Variants in KCND3 observed in about 807,000 individuals in gnomAD.
KCND3 encodes the protein potassium voltage-gated channel subfamily D member 3, also known as A-type voltage-gated potassium channel KCND3.
In KCND3, 9 loss-of-function variants were observed where a neutral mutation model predicts 51.1. That is an observed-to-expected ratio of 0.18 (90% confidence interval 0.11 to 0.31). The LOEUF is 0.31. Among genes scored for constraint, KCND3 ranks in the 10% least tolerant of loss-of-function variants. KCND3 has a pLI of 1.00. For synonymous variants in KCND3, 349 were observed against 368.0 expected (o/e 0.95, Z 0.59); for missense variants, 526 against 903.8 (o/e 0.58, Z 5.36).
rs1254155611 is a variant in KCND3, at chr1:111,780,313, C to T, written c.1373G>A (p.Gly458Asp). Residue 458 changes from glycine to aspartate, a missense_variant and splice_region_variant, in exon 5 of 8, where the codon GGC becomes GAC. Gly to Asp is a moderately conservative substitution (Grantham distance 94). Transcript: ENST00000302127. The surrounding 1 kb of genome is among the most constrained non-coding windows in gnomAD (Gnocchi z 4.2). ...GCCCATGTGCTCCTCTTCTGGGGTG[C>T]CCTAGTAAAAAAAGAAGAGAGATTG... The part of the protein sequence containing the change: ...GLLNEALELT[G>D]TPEEEHMGKT... The T allele has an allele frequency of 1.3e-6, 2 of 1,563,002 alleles. No homozygotes were observed. Among genetic ancestry groups the T allele is most frequent in the East Asian group, 2.4e-5 (1 of 42,548 alleles).
At chr1:111,796,162 C>A (rs1413907659) in intron 2 of KCND3, among the ~76,000 whole-genome samples, 2 of 152,162 alleles carry the variant, frequency 1.3e-5, no homozygotes, top group Non-Finnish European at 2.9e-5. Context: ...TCGGCAGTTT[C>A]TTTTGCTGTG....
At chr1:111,938,925 C>T (rs1226625534) in intron 2 of KCND3, among the ~76,000 whole-genome samples, 21 of 152,196 alleles carry the variant, frequency 1.4e-4, no homozygotes, top group Admixed American at 1.4e-3. Context: ...AAACAGGGAA[C>T]CCCTGCAGCT....
chr1:111,852,355 C>T (rs766396205), intron 2 of KCND3, among the ~76,000 whole-genome samples: 8 of 152,220 alleles, frequency 5.3e-5, no homozygotes, highest in Non-Finnish European at 7.3e-5. Flanking sequence ...GCCTGCTCAG[C>T]AACATGCCTA....
rs776127157 is a variant in KCND3 at position 111,780,822 on chromosome 1, G to A, written c.1270-31C>T. The A allele has an allele frequency of 1.9e-6, 3 of 1,562,352 alleles. No homozygotes were observed. Among genetic ancestry groups the A allele is most frequent in the Non-Finnish European group, 2.6e-6 (3 of 1,140,522 alleles). ...ATTGGCAGAGATAATAAAAGAATGAGGCAGACCATGATACAAAAAGACAGC... is the reference window on the plus strand; with the variant it reads ...ATTGGCAGAGATAATAAAAGAATGAAGCAGACCATGATACAAAAAGACAGC... On this transcript the variant is annotated intron_variant, in intron 3 of 7. Transcript: ENST00000302127. The surrounding 1 kb of genome is among the most constrained non-coding windows in gnomAD (Gnocchi z 4.2).
At position 111,913,921 on chromosome 1, in the gene KCND3, A is replaced by G. The variant is rs112652687; in HGVS notation, c.1106+67700T>C. 2.8e-3 allele frequency among the ~76,000 whole-genome samples: 420 copies of G among 152,292 alleles called. 1 individual carries two copies. Among genetic ancestry groups the G allele is most frequent in the African/African-American group, 9.2e-3 (384 of 41,556 alleles). On this transcript the variant is annotated intron_variant, in intron 2 of 7. Transcript: ENST00000302127. ...AAAACAAAAAACAAGAAACAAAAACAAACCCCACAAGTTATGCAAAAAAGA... is the reference window on the plus strand; with the variant it reads ...AAAACAAAAAACAAGAAACAAAAACGAACCCCACAAGTTATGCAAAAAAGA...
chr1:111,898,724 A>T (rs1670243913), intron 2 of KCND3, among the ~76,000 whole-genome samples: 1 of 152,146 alleles, frequency 6.6e-6, no homozygotes, highest in African/African-American at 2.4e-5. Context: ...CGAAACGGAG[A>T]CAGAAAGAGG....
chr1:111,781,487 A>G (rs553746522), intron 3 of KCND3, among the ~76,000 whole-genome samples: 1 of 152,276 alleles, frequency 6.6e-6, no homozygotes, highest in South Asian at 2.1e-4. Context: ...TTACAATTGT[A>G]TATCTGTCTT....
chr1:111,808,519 T>C (rs1220178580), intron 2 of KCND3, among the ~76,000 whole-genome samples: 1 of 152,248 alleles, frequency 6.6e-6, no homozygotes, highest in East Asian at 1.9e-4. Context: ...AAGGAGTTAG[T>C]TGAATTCCAA....
rs1394956736 is a variant in KCND3, at chr1:111,780,436, A to G, written c.1372-122T>C. 1.9e-6 allele frequency: 2 copies of G among 1,029,228 alleles called. No homozygotes were observed. Among genetic ancestry groups the G allele is most frequent in the Non-Finnish European group, 1.5e-6 (1 of 674,828 alleles). The allele number at this position is 1,029,228 out of a possible 1,614,324, so 63.8% of individuals were successfully genotyped here. Reference sequence around the variant, plus strand: ...AATCAAATTTTTTTTTATTTGACCAAATTTCAGGGTCAGCATTGAATATGC... The same window carrying G: ...AATCAAATTTTTTTTTATTTGACCAGATTTCAGGGTCAGCATTGAATATGC... On this transcript the variant is annotated intron_variant, in intron 4 of 7. Coordinates refer to ENST00000302127, the MANE Select transcript of KCND3 (RefSeq NM_001378969.1). The surrounding 1 kb of genome is among the most constrained non-coding windows in gnomAD (Gnocchi z 4.2).
Position 111,780,756 on chromosome 1 carries a change from T to A in KCND3, c.1305A>T (p.Thr435=), listed in dbSNP as rs912361631. Residue 435 remains threonine (T), a synonymous_variant, in exon 4 of 8, where the codon ACA becomes ACT. Coordinates refer to ENST00000302127, the MANE Select transcript of KCND3 (RefSeq NM_001378969.1). This position sits in a 1 kb window ranked among gnomAD's most constrained non-coding sequence, Gnocchi z 4.2. ...ARLARIRVAK[T]GSSNAYLHSK... is the part of the protein sequence containing the mutation. Reference sequence around the variant, plus strand: ...TGTGCAGGTATGCATTCGAACTGCCTGTTTTGGCCACACGGATCCTGGCAA... The same window carrying A: ...TGTGCAGGTATGCATTCGAACTGCCAGTTTTGGCCACACGGATCCTGGCAA... 3 of 1,613,416 alleles carry A rather than the reference T, an allele frequency of 1.9e-6. No homozygotes were observed. The highest frequency in any genetic ancestry group is 2.2e-5 in the East Asian group (1 of 44,898).
In KCND3 at chr1:111,805,709, C is replaced by A. The variant is rs571403082; in HGVS notation, c.1107-18603G>T. Reference sequence around the variant, plus strand: ...GGGGGACATGGAGAGCTGGAGTCTGCCGCTGGCCCATGTGGCTAGGGGAGC... The same window carrying A: ...GGGGGACATGGAGAGCTGGAGTCTGACGCTGGCCCATGTGGCTAGGGGAGC... On this transcript the variant is annotated intron_variant, in intron 2 of 7. Transcript: ENST00000302127. Among the ~76,000 whole-genome samples, 9 of 152,322 alleles carry A rather than the reference C, an allele frequency of 5.9e-5. No individual in the cohort carries two copies. The East Asian group carries it at 1.7e-3, about 29-fold the overall frequency.
chr1:111,943,557 T>C lies in KCND3; in HGVS notation c.1106+38064A>G, dbSNP rs114936856. Among the ~76,000 whole-genome samples the C allele has an allele frequency of 2.6e-5, 4 of 152,206 alleles. No individual in the cohort carries two copies. In the South Asian group the frequency reaches 8.3e-4, roughly 31 times the overall value. On this transcript the variant is annotated intron_variant, in intron 2 of 7. Transcript: ENST00000302127. ...TAAGGCTAGAACCTAAGTCTCCTGA[T>C]GTTTCCTCAGGGGCTGGGCTAGCCG...
At chr1:111,951,467 T>C (rs1673061593) in intron 2 of KCND3, among the ~76,000 whole-genome samples, 1 of 152,096 alleles carries the variant, frequency 6.6e-6, no homozygotes, top group Non-Finnish European at 1.5e-5. Flanking sequence ...AGTAGATATA[T>C]GTATGAGAGG....
intron 2 of KCND3, among the ~76,000 whole-genome samples, chr1:111,793,843 A>AG (rs1664945871): frequency 6.6e-6 from 1 of 152,156 alleles, no homozygotes; most frequent in African/African-American, 2.4e-5. Context: ...TAGAAAAAAA[A>AG]AATTTAAACC....
chr1:111,944,692 T>G (rs1168716693), intron 2 of KCND3, among the ~76,000 whole-genome samples: 2 of 152,236 alleles, frequency 1.3e-5, no homozygotes, highest in Non-Finnish European at 2.9e-5. Flanking sequence ...GGCTCACTGG[T>G]CTTTGTGTGT....
chr1:111,833,412 G>T lies in KCND3; in HGVS notation c.1107-46306C>A, dbSNP rs148365968. ...GGCCTTTCCCAATGAAGCCCATAGG[G>T]GCAGTCAAAGGCTCAATGACAAGGA... On this transcript the variant is annotated intron_variant, in intron 2 of 7. Coordinates refer to ENST00000302127, the MANE Select transcript of KCND3 (RefSeq NM_001378969.1). Among the ~76,000 whole-genome samples the T allele has an allele frequency of 4.6e-3, 705 of 152,322 alleles. 4 individuals are homozygous for T. Among genetic ancestry groups the T allele is most frequent in the African/African-American group, 0.016 (677 of 41,564 alleles).
In KCND3 at chr1:111,805,052, T is replaced by C. The variant is rs531704878; in HGVS notation, c.1107-17946A>G. ...TCCCAGCTGCAGGGTGGCGGGTGGATCACATAAAGGGCAGGGGACTTCTTG... is the reference window on the plus strand; with the variant it reads ...TCCCAGCTGCAGGGTGGCGGGTGGACCACATAAAGGGCAGGGGACTTCTTG... On this transcript the variant is annotated intron_variant, in intron 2 of 7. Coordinates refer to ENST00000302127, the MANE Select transcript of KCND3 (RefSeq NM_001378969.1). 1.2e-4 allele frequency among the ~76,000 whole-genome samples: 18 copies of C among 152,088 alleles called. No individual in the cohort carries two copies. The East Asian group carries it at 3.5e-3, about 29-fold the overall frequency.
chr1:111,805,887 G>A (rs140608037), intron 2 of KCND3, among the ~76,000 whole-genome samples: 1 of 152,346 alleles, frequency 6.6e-6, no homozygotes, highest in East Asian at 1.9e-4. Context: ...AGGTATCCTG[G>A]AGCAGCTGCT....
At chr1:111,814,536 G>T (rs1665998740) in intron 2 of KCND3, among the ~76,000 whole-genome samples, 1 of 152,242 alleles carries the variant, frequency 6.6e-6, no homozygotes, top group Admixed American at 6.5e-5. Context: ...GTGCTCGGTA[G>T]ATACATGCAC....
Sources: allele counts gnomAD v4.1 joint callset (sites outside exome capture counted in the v4.1 genomes callset), GRCh38; gene constraint gnomAD v4.1.1; non-coding constraint Gnocchi (gnomAD v3.1); transcripts MANE v1.5; gene names NCBI Gene and HGNC (gene_info 2026-07-23, HGNC 2026-07-21).